PRKD1: variants seen among roughly 807,000 people sequenced by gnomAD.
The protein encoded by PRKD1 is serine/threonine-protein kinase D1.
A neutral mutation model predicts 95.9 loss-of-function variants in PRKD1; 63 were observed. The observed-to-expected ratio is 0.66, with a 90% confidence interval of 0.54 to 0.81. The LOEUF is 0.81. Ranked by LOEUF, PRKD1 falls within the 30% of genes least tolerant of loss-of-function variation. The pLI, the probability that PRKD1 is intolerant of heterozygous loss-of-function variation, is 0.00. For synonymous variants in PRKD1, 425 were observed against 423.1 expected (o/e 1.00, Z -0.05); for missense variants, 1,048 against 1,165.3 (o/e 0.90, Z 1.47).
chr14:29,918,379 A>C (rs1566671327), intron 1 of PRKD1, among the ~76,000 whole-genome samples: 1 of 151,992 alleles, frequency 6.6e-6, no homozygotes, highest in Non-Finnish European at 1.5e-5. Context: ...CAAAAATGTA[A>C]AAGAAAAACA....
At chr14:29,820,726 CA>C (rs1383900214) in intron 1 of PRKD1, among the ~76,000 whole-genome samples, 1 of 152,010 alleles carries the variant, frequency 6.6e-6, no homozygotes, top group African/African-American at 2.4e-5. Flanking sequence ...TAAGGAACCA[CA>C]AGACAATCCT....
intron 2 of PRKD1, among the ~76,000 whole-genome samples, chr14:29,673,325 C>A (rs1277876992): frequency 6.6e-6 from 1 of 152,156 alleles, no homozygotes; most frequent in Non-Finnish European, 1.5e-5. Flanking sequence ...AGGATACTCT[C>A]CTCAACATAC....
intron 4 of PRKD1, among the ~76,000 whole-genome samples, chr14:29,663,337 G>T (rs1882297496): frequency 6.6e-6 from 1 of 151,758 alleles, no homozygotes; most frequent in South Asian, 2.1e-4. Flanking sequence ...TAAATATTCA[G>T]CCATGCCACA....
intron 4 of PRKD1, among the ~76,000 whole-genome samples, chr14:29,645,425 T>C (rs1186772475): frequency 6.6e-6 from 1 of 152,172 alleles, no homozygotes; most frequent in East Asian, 1.9e-4. Flanking sequence ...TCAGGTGTTA[T>C]TATGCTTAAA....
At chr14:29,889,502 A>G (rs1046003634) in intron 1 of PRKD1, among the ~76,000 whole-genome samples, 1 of 152,224 alleles carries the variant, frequency 6.6e-6, no homozygotes, top group African/African-American at 2.4e-5. Context: ...CTGTCCATCA[A>G]TAATAGACTG....
At chr14:29,586,923 C>T (rs1566468414) in intron 16 of PRKD1, among the ~76,000 whole-genome samples, 1 of 152,140 alleles carries the variant, frequency 6.6e-6, no homozygotes, top group Non-Finnish European at 1.5e-5. Flanking sequence ...CCGTGCCCAG[C>T]CCACTTTACT....
At chr14:29,727,018 G>A (rs1449135138) in intron 1 of PRKD1, among the ~76,000 whole-genome samples, 1 of 152,180 alleles carries the variant, frequency 6.6e-6, no homozygotes, top group Admixed American at 6.6e-5. Flanking sequence ...CCCACCAACA[G>A]TGTAAAAGTG....
At chr14:29,619,534 G>A (rs1345959269) in intron 13 of PRKD1, among the ~76,000 whole-genome samples, 1 of 152,148 alleles carries the variant, frequency 6.6e-6, no homozygotes, top group Non-Finnish European at 1.5e-5. Context: ...GTATTCTAGT[G>A]GTAGAGCCAA....
intron 2 of PRKD1, among the ~76,000 whole-genome samples, chr14:29,673,016 A>C (rs919046566): frequency 1.3e-5 from 2 of 152,188 alleles, no homozygotes; most frequent in Non-Finnish European, 2.9e-5. Flanking sequence ...GAACCCACAG[A>C]GCTACAGTTA....
intron 17 of PRKD1, 74 bp downstream of exon 17, chr14:29,578,200 AG>A: frequency 1.7e-6 from 2 of 1,176,438 alleles, no homozygotes; most frequent in Non-Finnish European, 2.4e-6. Context: ...TTATTGCAAA[AG>A]ATTTCTAAAT....
Position 29,597,844 on chromosome 14 carries a change from A to C in PRKD1, c.2167-86T>G, listed in dbSNP as rs45608141. 17,490 of 1,281,042 alleles carry C rather than the reference A, an allele frequency of 0.014. 1,858 individuals are homozygous for C. In the African/African-American group the frequency reaches 0.23, roughly 17 times the overall value. 79.4% of individuals were successfully genotyped at this position (1,281,042 alleles called of 1,614,324 possible). ...TTCAGATTCACCAGATACAACCATA[A>C]TATTTTAAATACTTTACCTTTACAT... On this transcript the variant is annotated intron_variant, in intron 15 of 17. Transcript: ENST00000331968.
chr14:29,593,623 G>A (rs1351280502), intron 16 of PRKD1, among the ~76,000 whole-genome samples: 1 of 152,162 alleles, frequency 6.6e-6, no homozygotes, highest in Non-Finnish European at 1.5e-5. Context: ...AGCTGCTAGG[G>A]TATCATTGCT....
intron 1 of PRKD1, among the ~76,000 whole-genome samples, chr14:29,849,671 C>A (rs978235733): frequency 6.6e-6 from 1 of 151,908 alleles, no homozygotes; most frequent in African/African-American, 2.4e-5. Context: ...ACCAATCCCA[C>A]CGAAACTATT....
At chr14:29,587,460 A>C (rs1892975976) in intron 16 of PRKD1, among the ~76,000 whole-genome samples, 1 of 152,230 alleles carries the variant, frequency 6.6e-6, no homozygotes, top group African/African-American at 2.4e-5. Context: ...TATGATGTAC[A>C]TTCAGAAGTG....
intron 16 of PRKD1, among the ~76,000 whole-genome samples, chr14:29,584,659 T>C (rs1892853688): frequency 6.6e-6 from 1 of 152,192 alleles, no homozygotes; most frequent in African/African-American, 2.4e-5. Context: ...GAAATGTAAA[T>C]CGCCATTTTC....
At chr14:29,731,120 T>A (rs1275867568) in intron 1 of PRKD1, among the ~76,000 whole-genome samples, 1 of 152,140 alleles carries the variant, frequency 6.6e-6, no homozygotes, top group Non-Finnish European at 1.5e-5. Context: ...ATGGTAAATA[T>A]ACATAAGTTT....
chr14:29,748,897 A>C (rs987678590), intron 1 of PRKD1, among the ~76,000 whole-genome samples: 1 of 152,184 alleles, frequency 6.6e-6, no homozygotes, highest in African/African-American at 2.4e-5. Flanking sequence ...GAAATCCTTA[A>C]TGTTGTTTTG....
At chr14:29,727,804 T>C (rs887835606) in intron 1 of PRKD1, among the ~76,000 whole-genome samples, 15 of 151,736 alleles carry the variant, frequency 9.9e-5, no homozygotes, top group African/African-American at 3.6e-4. Flanking sequence ...ATGTGGCACA[T>C]ATACACCATG....
chr14:29,766,536 C>T (rs1254795251), intron 1 of PRKD1, among the ~76,000 whole-genome samples: 2 of 152,156 alleles, frequency 1.3e-5, no homozygotes. Context: ...CTAAACAGTG[C>T]TGATAATATG....
Sources: gnomAD v4.1 joint callset for allele counts (sites outside exome capture counted in the v4.1 genomes callset) on GRCh38, gnomAD v4.1.1 for gene constraint, MANE v1.5 for transcripts, NCBI Gene and HGNC (gene_info 2026-07-23, HGNC 2026-07-21) for gene names.